The following GPHN variants were observed in gnomAD, a reference collection of about 807,000 sequenced individuals.
GPHN encodes gephyrin.
Under a neutral mutation model 95.5 loss-of-function variants are expected in GPHN, and 17 were observed. That is an observed-to-expected ratio of 0.18 (90% CI 0.12 to 0.27). The LOEUF (loss-of-function observed/expected upper bound fraction) is 0.27, where lower values mean the gene tolerates loss of function less well. Among genes scored for constraint, GPHN ranks in the 10% least tolerant of loss-of-function variants. The pLI is 1.00. For missense variants in GPHN, 660 were observed against 978.1 expected, an observed-to-expected ratio of 0.67 and a Z score of 4.34; for synonymous variants, 320 against 322.5, an observed-to-expected ratio of 0.99 and a Z score of 0.08.
chr14:66,918,264 A>C (rs1210767420), intron 6 of GPHN, among the ~76,000 whole-genome samples: 1 of 152,176 alleles, frequency 6.6e-6, no homozygotes, highest in Non-Finnish European at 1.5e-5. Context: ...TCAATCTGTG[A>C]TACCACACAT....
intron 21 of GPHN, among the ~76,000 whole-genome samples, chr14:67,175,304 A>G (rs1025935156): frequency 1.3e-5 from 2 of 152,198 alleles, no homozygotes; most frequent in African/African-American, 2.4e-5. Context: ...ATGGCTAGCC[A>G]GTTTTCCCAG....
At chr14:67,350,607 T>G in the GPHN span, 17 of 1,612,542 alleles carry the variant, frequency 1.1e-5, no homozygotes, top group Non-Finnish European at 1.4e-5. Context: ...TTTAGTCCCC[T>G]TACCTGAAGT....
At chr14:66,683,086 G>C (rs1156833154) in intron 2 of GPHN, among the ~76,000 whole-genome samples, 1 of 151,266 alleles carries the variant, frequency 6.6e-6, no homozygotes, top group African/African-American at 2.4e-5. Context: ...AAAACAGCCG[G>C]AAATATCTTA....
the GPHN span, chr14:67,645,571 T>C: frequency 4.6e-6 from 7 of 1,535,216 alleles, no homozygotes; most frequent in Non-Finnish European, 6.2e-6. Context: ...TAAGTTGTTT[T>C]GGCTGAGGAC....
chr14:67,138,036 G>A (rs2080205222), intron 17 of GPHN, among the ~76,000 whole-genome samples: 1 of 152,116 alleles, frequency 6.6e-6, no homozygotes, highest in African/African-American at 2.4e-5. Context: ...ATACAAATAA[G>A]ATTTATATAT....
the GPHN span, chr14:67,445,966 C>G: frequency 4.2e-6 from 2 of 470,884 alleles, no homozygotes; most frequent in African/African-American, 2.0e-5. Context: ...TCTTTGGAGT[C>G]TAGCCTGTAA....
At chr14:66,532,839 A>G (rs775977094) in intron 1 of GPHN, among the ~76,000 whole-genome samples, 18 of 152,178 alleles carry the variant, frequency 1.2e-4, no homozygotes, top group Non-Finnish European at 2.2e-4. Context: ...AACAGTGTCA[A>G]CACTTCCCTA....
intron 9 of GPHN, among the ~76,000 whole-genome samples, chr14:66,980,449 GTTAT>G (rs140623363): frequency 0.015 from 2,300 of 152,090 alleles, 31 homozygotes; most frequent in Non-Finnish European, 0.018. Context: ...CTGCCTAAAG[GTTAT>G]TTATTTTAAC....
intron 2 of GPHN, among the ~76,000 whole-genome samples, chr14:66,748,433 C>A (rs1449865579): frequency 1.3e-5 from 2 of 151,864 alleles, no homozygotes; most frequent in South Asian, 2.1e-4. Flanking sequence ...TTCCCATATA[C>A]CCCCTGCACC....
the GPHN span, among the ~76,000 whole-genome samples, chr14:67,600,789 G>A: frequency 1.2e-4 from 19 of 152,142 alleles, no homozygotes; most frequent in Non-Finnish European, 2.4e-4. Context: ...ATGTTGGCCA[G>A]GTTGGTCTCA....
chr14:67,479,736 G>A, the GPHN span, among the ~76,000 whole-genome samples: 2 of 152,124 alleles, frequency 1.3e-5, no homozygotes, highest in Non-Finnish European at 2.9e-5. Context: ...AAAAAAAAAT[G>A]CTTGTGGAAT....
At chr14:67,435,326 C>G in the GPHN span, among the ~76,000 whole-genome samples, 4 of 152,152 alleles carry the variant, frequency 2.6e-5, no homozygotes, top group Non-Finnish European at 5.9e-5. Flanking sequence ...AGTCCGTTAA[C>G]CCATTAATCT....
At chr14:66,645,607 G>T (rs1425179728) in intron 1 of GPHN, among the ~76,000 whole-genome samples, 1 of 150,434 alleles carries the variant, frequency 6.6e-6, no homozygotes, top group East Asian at 2.0e-4. Flanking sequence ...CACAAGAATT[G>T]CTTGAATCTG....
chr14:67,094,289 A>G (rs191294027), intron 12 of GPHN, among the ~76,000 whole-genome samples: 1 of 152,140 alleles, frequency 6.6e-6, no homozygotes, highest in Non-Finnish European at 1.5e-5. Flanking sequence ...ACAGAACTAA[A>G]AGTGTTTTCT....
intron 1 of GPHN, among the ~76,000 whole-genome samples, chr14:66,624,710 A>G (rs530824147): frequency 1.3e-4 from 20 of 152,140 alleles, no homozygotes; most frequent in Non-Finnish European, 2.5e-4. Context: ...ACATTTTTTA[A>G]AGCATTGGGG....
At chr14:67,649,169 G>A in the GPHN span, 1 of 152,138 alleles carries the variant, frequency 6.6e-6, no homozygotes, top group Non-Finnish European at 1.5e-5. Context: ...ATAACCTCTA[G>A]CACTTATATA....
chr14:67,100,903 G>A lies in GPHN; in HGVS notation c.1285G>A (p.Gly429Ser). 1 of 1,589,226 alleles carries A rather than the reference G, an allele frequency of 6.3e-7. No homozygotes were observed. The highest frequency in any genetic ancestry group is 8.6e-7 in the Non-Finnish European group (1 of 1,157,274). ...TTTCATCATTGGGGAATCCCAAGCT[G>A]GTGAACAGGTGAGATTGATAGGCCT... ...DRFIIGESQAGEQPTQTVMPG... is the reference protein window; with the variant it reads ...DRFIIGESQASEQPTQTVMPG... Residue 429 changes from glycine to serine, a missense_variant, in exon 13 of 23, where the codon GGT (glycine) becomes AGT (serine). Physicochemically the swap from Gly to Ser is moderately conservative, Grantham distance 56 (BLOSUM62 0). Transcript: ENST00000478722.
the GPHN span, among the ~76,000 whole-genome samples, chr14:67,521,948 G>A: frequency 2.0e-5 from 3 of 152,118 alleles, no homozygotes; most frequent in South Asian, 2.1e-4. Flanking sequence ...AGGCTGAGGC[G>A]GGTGGATCAC....
the GPHN span, among the ~76,000 whole-genome samples, chr14:67,370,231 G>A: frequency 6.6e-6 from 1 of 152,232 alleles, no homozygotes; most frequent in South Asian, 2.1e-4. Flanking sequence ...CAGCTTGGGC[G>A]TTAGGACCAT....
Sources: gnomAD v4.1 joint callset for allele counts (sites outside exome capture counted in the v4.1 genomes callset) on GRCh38, gnomAD v4.1.1 for gene constraint, MANE v1.5 for transcripts, NCBI Gene and HGNC (gene_info 2026-07-23, HGNC 2026-07-21) for gene names.